LRRK1: variants seen among roughly 807,000 people sequenced by gnomAD.
LRRK1 encodes the protein leucine-rich repeat serine/threonine-protein kinase 1.
A neutral mutation model predicts 209.1 loss-of-function variants in LRRK1; 113 were observed. The ratio of observed to expected loss-of-function variants is 0.54; its 90% CI spans 0.46 to 0.63. The LOEUF (loss-of-function observed/expected upper bound fraction) is 0.63, where lower values mean the gene tolerates loss of function less well. Among genes scored for constraint, LRRK1 ranks in the 30% least tolerant of loss-of-function variants. The pLI is 0.00. For synonymous variants in LRRK1, 1,144 were observed against 1,099.7 expected, an observed-to-expected ratio of 1.04 and a Z score of -0.80; for missense variants, 2,284 against 2,632.2, an observed-to-expected ratio of 0.87 and a Z score of 2.89.
chr15:101,066,374 C>A (rs970987612), intron 32 of LRRK1, among the ~76,000 whole-genome samples, 169 bp downstream of exon 32: 1 of 152,220 alleles, frequency 6.6e-6, no homozygotes, highest in African/African-American at 2.4e-5. Flanking sequence ...ATCGCTTTAG[C>A]AAATCTAAGA....
Position 101,024,517 on chromosome 15 carries a change from A to C in LRRK1, c.2068-286A>C, listed in dbSNP as rs142795183. 6.6e-6 allele frequency among the ~76,000 whole-genome samples: 1 copy of C among 152,082 alleles called. No homozygotes were observed. The highest frequency in any genetic ancestry group is 1.5e-5 in the Non-Finnish European group (1 of 68,002). On this transcript the variant is annotated intron_variant, in intron 15 of 33. Transcript: ENST00000388948. This position sits in a 1 kb window ranked among gnomAD's most constrained non-coding sequence, Gnocchi z 4.6. ...TCCTCCCACAGGGCATCCCCTACCC[A>C]TCTGCAGCCCAGACAGAGCCAGGCC...
At chr15:101,056,806 A>G in intron 27 of LRRK1, 50 bp from the exon 28 acceptor site, 1 of 1,467,676 alleles carries the variant, frequency 6.8e-7, no homozygotes, top group Non-Finnish European at 9.2e-7. Flanking sequence ...CCACCTTGTG[A>G]AGGCCACTGG....
chr15:101,049,962 G>T (rs765408598), intron 23 of LRRK1, among the ~76,000 whole-genome samples, 179 bp downstream of exon 23: 1 of 152,074 alleles, frequency 6.6e-6, no homozygotes, highest in Non-Finnish European at 1.5e-5. Context: ...CTCTGTCACT[G>T]GGGGGAGTCC....
chr15:100,943,699 C>CT (rs869130536), intron 2 of LRRK1, among the ~76,000 whole-genome samples: 1,657 of 134,862 alleles, frequency 0.012, 12 homozygotes, highest in African/African-American at 0.019. Context: ...GTGATCGTAT[C>CT]TTTTTTTTTT....
intron 2 of LRRK1, among the ~76,000 whole-genome samples, chr15:100,928,861 G>T (rs560804631): frequency 1.3e-5 from 2 of 152,084 alleles, no homozygotes; most frequent in East Asian, 1.9e-4. Flanking sequence ...CTGCCCTGCC[G>T]TGCGGCCCGC....
chr15:101,066,968 TA>T (rs2036565294), intron 33 of LRRK1, among the ~76,000 whole-genome samples: 1 of 152,230 alleles, frequency 6.6e-6, no homozygotes, highest in African/African-American at 2.4e-5. Context: ...AGTGCACCTG[TA>T]GATCAAGTAC....
rs532210446 is a variant in LRRK1 at position 101,021,162 on chromosome 15, A to G, written c.1719A>G (p.Leu573=). The change falls in exon 13 of 34, where the codon TTA becomes TTG. Residue 573 remains leucine (L), a synonymous_variant. Coordinates refer to ENST00000388948, the MANE Select transcript of LRRK1 (RefSeq NM_024652.6). The stretch of plus-strand genomic sequence containing the variant: ...CCTCGGTTTGCCTACTGAAGAGCTT[A>G]TCAGAGCTCTACTTGGGAAAGTAAG... The part of the protein sequence containing the change: ...VPPSVCLLKS[L]SELYLGNNPG... The G allele has an allele frequency of 6.8e-6, 11 of 1,614,062 alleles. No homozygotes were observed. In the South Asian group the frequency reaches 1.1e-4, roughly 16 times the overall value.
chr15:100,972,363 A>AGAGAGAGTGTGTGTGTGTGT (rs1176201849), intron 2 of LRRK1, among the ~76,000 whole-genome samples: 1 of 98,474 alleles, frequency 1.0e-5, no homozygotes, highest in African/African-American at 5.0e-5. Context: ...AGAGAGAGAG[A>AGAGAGAGTGTGTGTGTGTGT]GTGTGTGTGT....
chr15:101,058,175 A>G (rs1033885012), intron 29 of LRRK1, 34 bp downstream of exon 29: 2 of 1,607,532 alleles, frequency 1.2e-6, no homozygotes, highest in Non-Finnish European at 1.7e-6. Context: ...CCCCCTTTGT[A>G]TTTGGGGTGG....
intron 2 of LRRK1, among the ~76,000 whole-genome samples, chr15:100,959,797 G>C (rs2042839043): frequency 6.6e-6 from 1 of 152,166 alleles, no homozygotes; most frequent in African/African-American, 2.4e-5. Flanking sequence ...ACCATGCTAT[G>C]TCAAATAGCA....
At position 101,073,994 on chromosome 15, in the gene LRRK1, T is replaced by G. The variant is rs1001313842; in HGVS notation, c.*5146T>G. ...CTTTCAATTTTTCCATCCTGCAAGA[T>G]CTAAATAATTCTTGTCGTAAAATGG... On this transcript the variant is annotated 3_prime_UTR_variant, in exon 34 of 34. Transcript: ENST00000388948. 2.0e-5 allele frequency: 3 copies of G among 152,102 alleles called. No individual in the cohort carries two copies. 9.4% of individuals were successfully genotyped at this position (152,102 alleles called of 1,614,324 possible). A position where few individuals can be genotyped will look rare whatever the true frequency, so the allele number is the denominator to read the frequency against.
intron 1 of LRRK1, among the ~76,000 whole-genome samples, chr15:100,923,392 T>C (rs2042052608): frequency 6.6e-6 from 1 of 152,232 alleles, no homozygotes; most frequent in Non-Finnish European, 1.5e-5. Context: ...ATAACCTTGA[T>C]TTAAAAAATA....
chr15:100,978,321 A>G (rs6598406), intron 3 of LRRK1, among the ~76,000 whole-genome samples: 142,871 of 152,258 alleles, frequency 0.94, 67,055 homozygotes, highest in East Asian at 1. Flanking sequence ...GGCAAGACTG[A>G]AGGAGAACTC....
chr15:100,977,445 G>C (rs969041218), intron 3 of LRRK1, among the ~76,000 whole-genome samples: 1 of 152,136 alleles, frequency 6.6e-6, no homozygotes, highest in African/African-American at 2.4e-5. Context: ...TGAGGAGCTG[G>C]GGTGCTAATC....
chr15:101,051,303 T>C (rs900605714), intron 23 of LRRK1, among the ~76,000 whole-genome samples: 2 of 152,206 alleles, frequency 1.3e-5, no homozygotes, highest in Non-Finnish European at 2.9e-5. Context: ...TTCATGGACA[T>C]TGTAAACCTG....
At chr15:100,998,601 G>A (rs955318771) in intron 6 of LRRK1, among the ~76,000 whole-genome samples, 4 of 127,264 alleles carry the variant, frequency 3.1e-5, no homozygotes, top group Non-Finnish European at 3.2e-5. Context: ...CTTGGAACAC[G>A]ATAGATAGGT....
At chr15:101,020,036 A>G (rs900791739) in intron 12 of LRRK1, among the ~76,000 whole-genome samples, 2 of 152,244 alleles carry the variant, frequency 1.3e-5, no homozygotes, top group African/African-American at 4.8e-5. Flanking sequence ...AGAAGCATAA[A>G]AACAGCCAAC....
chr15:101,075,720 G>A lies in LRRK1; in HGVS notation c.*6872G>A, dbSNP rs938797411. ...CATTGTTTTGCCTATCCACCCCATG[G>A]TGTCAAACCCATATACTCTCCTATC... is the stretch of plus-strand genomic sequence containing the variant. On this transcript the variant is annotated 3_prime_UTR_variant, in exon 34 of 34. Transcript: ENST00000388948. The A allele has an allele frequency of 7.8e-6, 1 of 128,018 alleles. No individual in the cohort carries two copies. The highest frequency in any genetic ancestry group is 2.6e-4 in the South Asian group (1 of 3,900). 7.9% of individuals were successfully genotyped at this position (128,018 alleles called of 1,614,324 possible). A position where few individuals can be genotyped will look rare whatever the true frequency, so the allele number is the denominator to read the frequency against.
At chr15:100,990,442 C>A (rs186879072) in intron 6 of LRRK1, among the ~76,000 whole-genome samples, 102 of 152,222 alleles carry the variant, frequency 6.7e-4, no homozygotes, top group African/African-American at 2.4e-3. Flanking sequence ...TGCCCCCCAA[C>A]ACTCTGGTGA....
Sources: allele counts gnomAD v4.1 joint callset (sites outside exome capture counted in the v4.1 genomes callset), GRCh38; gene constraint gnomAD v4.1.1; non-coding constraint Gnocchi (gnomAD v3.1); transcripts MANE v1.5; gene names NCBI Gene and HGNC (gene_info 2026-07-23, HGNC 2026-07-21).